METTL16: variants seen among roughly 807,000 people sequenced by gnomAD.
The protein encoded by METTL16 is RNA N(6)-adenosine-methyltransferase METTL16.
A neutral mutation model predicts 57.9 loss-of-function variants in METTL16; 19 were observed. That is an observed-to-expected ratio of 0.33 (90% CI 0.23 to 0.48). The LOEUF (loss-of-function observed/expected upper bound fraction) is 0.48. METTL16 is among the 20% of genes least tolerant of loss of function. The probability of loss-of-function intolerance (pLI) is 0.99; values close to 1 mark genes in which losing one functional copy is unlikely to be tolerated. For missense variants in METTL16, 434 were observed against 691.5 expected, an observed-to-expected ratio of 0.63 and a Z score of 4.18; for synonymous variants, 246 against 255.6, an observed-to-expected ratio of 0.96 and a Z score of 0.36.
intron 1 of METTL16, among the ~76,000 whole-genome samples, chr17:2,507,503 G>A (rs1192225075): frequency 4.8e-5 from 7 of 145,626 alleles, no homozygotes; most frequent in African/African-American, 1.5e-4. Context: ...GGAGGGAGGT[G>A]GGGGGGTCAG....
intron 2 of METTL16, among the ~76,000 whole-genome samples, chr17:2,490,726 T>C (rs2067381594): frequency 6.6e-6 from 1 of 152,184 alleles, no homozygotes; most frequent in South Asian, 2.1e-4. Flanking sequence ...GCTGCAGCTG[T>C]AGGGCTCATC....
At chr17:2,415,886 C>T (rs959451073), downstream of METTL16, 4 of 152,210 alleles carry the variant, frequency 2.6e-5, no homozygotes, top group East Asian at 7.7e-4. Context: ...TCTTCATTAA[C>T]TAGATATCAA....
chr17:2,424,304 G>C (rs542094318), intron 8 of METTL16: 19 of 150,906 alleles, frequency 1.3e-4, no homozygotes, highest in Admixed American at 1.2e-3. Flanking sequence ...TAGTAGAGAC[G>C]GGGTTTCACC....
At chr17:2,500,187 CT>C (rs2067477091) in intron 2 of METTL16, among the ~76,000 whole-genome samples, 1 of 152,132 alleles carries the variant, frequency 6.6e-6, no homozygotes, top group Non-Finnish European at 1.5e-5. Context: ...GCCCCAGGGC[CT>C]CCATTTCTAA....
At chr17:2,431,898 G>A (rs1046195275) in intron 8 of METTL16, among the ~76,000 whole-genome samples, 3 of 151,894 alleles carry the variant, frequency 2.0e-5, no homozygotes, top group African/African-American at 7.3e-5. Flanking sequence ...TAATAACAAG[G>A]AGAAATAACA....
chr17:2,441,866 A>G (rs1189943710), intron 6 of METTL16, among the ~76,000 whole-genome samples: 1 of 152,232 alleles, frequency 6.6e-6, no homozygotes, highest in Non-Finnish European at 1.5e-5. Context: ...GCTTACAACG[A>G]AGGCCGTTTA....
chr17:2,485,931 GCA>G (rs1407948293), intron 2 of METTL16, among the ~76,000 whole-genome samples: 2 of 152,134 alleles, frequency 1.3e-5, no homozygotes, highest in African/African-American at 4.8e-5. Flanking sequence ...AGGCTTCCCT[GCA>G]CAGACAACTA....
intron 7 of METTL16, among the ~76,000 whole-genome samples, chr17:2,439,526 C>T (rs1283260579): frequency 6.6e-6 from 1 of 152,044 alleles, no homozygotes; most frequent in Non-Finnish European, 1.5e-5. Flanking sequence ...GGTGCTGTTC[C>T]CCCAGAGCTA....
intron 1 of METTL16, among the ~76,000 whole-genome samples, chr17:2,505,451 G>A (rs1329570598): frequency 9.5e-6 from 1 of 104,834 alleles, no homozygotes; most frequent in Non-Finnish European, 1.8e-5. Context: ...GTTTCGTTAT[G>A]TTGGCCAGGT....
chr17:2,503,038 C>T (rs867391375), intron 1 of METTL16, among the ~76,000 whole-genome samples: 1 of 152,160 alleles, frequency 6.6e-6, no homozygotes, highest in African/African-American at 2.4e-5. Context: ...AAACGCTTGG[C>T]GGTTCTTTAA....
intron 6 of METTL16, among the ~76,000 whole-genome samples, chr17:2,457,238 T>G (rs2067117360): frequency 7.0e-6 from 1 of 142,794 alleles, no homozygotes; most frequent in South Asian, 2.2e-4. Context: ...CTAGGGAGGC[T>G]GAGGCAGGAG....
rs552018255 is a variant in METTL16 at position 2,498,143 on chromosome 17, G to A, written c.128+4061C>T. Among the ~76,000 whole-genome samples the A allele has an allele frequency of 8.5e-3, 1,273 of 150,200 alleles. 18 individuals carry two copies. The highest frequency in any genetic ancestry group is 0.029 in the South Asian group (137 of 4,656). ...CGGGAGGCAGAGCTTGCAGTGAGCC[G>A]AGATCGCGCCACTGCACTCCAGCCT... On this transcript the variant is annotated intron_variant, in intron 2 of 9. Coordinates refer to ENST00000263092, the MANE Select transcript of METTL16 (RefSeq NM_024086.4).
intron 6 of METTL16, among the ~76,000 whole-genome samples, chr17:2,448,766 TAAAAAATA>T (rs1323661847): frequency 0.031 from 1,151 of 37,166 alleles, 18 homozygotes; most frequent in East Asian, 0.082. Flanking sequence ...ATAAAAAAAA[TAAAAAATA>T]AAAAAATAAA....
At chr17:2,497,469 C>A (rs531796967) in intron 2 of METTL16, among the ~76,000 whole-genome samples, 1 of 151,252 alleles carries the variant, frequency 6.6e-6, no homozygotes, top group East Asian at 1.9e-4. Flanking sequence ...TATGCCACCA[C>A]GCCCGGCTCA....
intron 1 of METTL16, among the ~76,000 whole-genome samples, chr17:2,510,499 G>T (rs967368122): frequency 1.3e-5 from 2 of 152,152 alleles, no homozygotes; most frequent in African/African-American, 4.8e-5. Flanking sequence ...TTAAATTACA[G>T]ACATGGCAGA....
chr17:2,419,794 ACT>A lies in METTL16; in HGVS notation c.*174_*175del, dbSNP rs1006265030. The A allele has an allele frequency of 3.9e-5, 30 of 778,290 alleles. No individual in the cohort carries two copies. The highest frequency in any genetic ancestry group is 6.5e-5 in the Non-Finnish European group (30 of 460,016). The allele number at this position is 778,290 out of a possible 1,614,324, so 48.2% of individuals were successfully genotyped here. A position where few individuals can be genotyped will look rare whatever the true frequency, so the allele number is the denominator to read the frequency against. ...AATGACCACACTACGACTCCCTGTA[ACT>A]CAAAAAGCGGGAAGGAGGCGGGGGG... On this transcript the variant is annotated 3_prime_UTR_variant, in exon 10 of 10. Coordinates refer to ENST00000263092, the MANE Select transcript of METTL16 (RefSeq NM_024086.4).
intron 7 of METTL16, among the ~76,000 whole-genome samples, chr17:2,439,791 A>G (rs2066933962): frequency 6.6e-6 from 1 of 152,180 alleles, no homozygotes; most frequent in African/African-American, 2.4e-5. Context: ...TAATCTATAA[A>G]AAATATATTT....
At chr17:2,466,789 ATT>A (rs966448223) in intron 5 of METTL16, among the ~76,000 whole-genome samples, 1 of 150,580 alleles carries the variant, frequency 6.6e-6, no homozygotes, top group South Asian at 2.1e-4. Flanking sequence ...TTACATTGTT[ATT>A]TTTTTTTGTT....
Position 2,508,100 on chromosome 17 carries a change from G to A in METTL16, c.-1+3659C>T, listed in dbSNP as rs1184751753. Among the ~76,000 whole-genome samples, 10 of 142,804 alleles carry A rather than the reference G, an allele frequency of 7.0e-5. No individual in the cohort carries two copies. The South Asian group carries it at 1.1e-3, about 16-fold the overall frequency. The allele number at this position is 142,804 out of a possible 152,430, so 93.7% of individuals were successfully genotyped here. A position where few individuals can be genotyped will look rare whatever the true frequency, so the allele number is the denominator to read the frequency against. On this transcript the variant is annotated intron_variant, in intron 1 of 9. Transcript: ENST00000263092. ...GTGACCCTGCCAAATCCCCCTCTGCGAGAAACACCCAAGAATGATCAATAA... is the reference window on the plus strand; with the variant it reads ...GTGACCCTGCCAAATCCCCCTCTGCAAGAAACACCCAAGAATGATCAATAA...
Sources: allele counts gnomAD v4.1 joint callset (sites outside exome capture counted in the v4.1 genomes callset), GRCh38; gene constraint gnomAD v4.1.1; transcripts MANE v1.5; gene names NCBI Gene and HGNC (gene_info 2026-07-23, HGNC 2026-07-21).